TRNAU1AP: variants seen among roughly 807,000 people sequenced by gnomAD.
The protein encoded by TRNAU1AP is tRNA selenocysteine 1 associated protein 1, also known as tRNA selenocysteine 1-associated protein 1.
A neutral mutation model predicts 43.3 loss-of-function variants in TRNAU1AP; 33 were observed. The observed-to-expected ratio is 0.76, with a 90% CI of 0.58 to 1.02. TRNAU1AP has a LOEUF of 1.02. Among genes scored for constraint, TRNAU1AP ranks in the 50% least tolerant of loss-of-function variants. The pLI is 0.00. For missense variants in TRNAU1AP, 290 were observed against 362.7 expected (o/e 0.80, Z 1.63); for synonymous variants, 143 against 129.1 (o/e 1.11, Z -0.73).
intron 2 of TRNAU1AP, among the ~76,000 whole-genome samples, chr1:28,559,591 T>C (rs900708310): frequency 1.3e-4 from 19 of 151,266 alleles, no homozygotes; most frequent in Admixed American, 7.9e-4. Context: ...ACCCAGGAGG[T>C]GGAGGTTGCA....
intron 2 of TRNAU1AP, among the ~76,000 whole-genome samples, chr1:28,558,082 T>G (rs1301010144): frequency 2.7e-5 from 4 of 148,638 alleles, no homozygotes; most frequent in East Asian, 2.0e-4. Flanking sequence ...TTTTTTTTTT[T>G]TTGTTTAGTA....
chr1:28,553,823 C>T (rs1665189835), intron 2 of TRNAU1AP, 86 bp downstream of exon 2: 8 of 1,165,934 alleles, frequency 6.9e-6, no homozygotes, highest in African/African-American at 1.5e-5. Context: ...TGGCTTCTCA[C>T]TACCCCTAGT....
At chr1:28,573,318 C>T (rs1216077649) in intron 8 of TRNAU1AP, among the ~76,000 whole-genome samples, 5 of 149,576 alleles carry the variant, frequency 3.3e-5, no homozygotes, top group South Asian at 4.3e-4. Flanking sequence ...GGTGAGCCAC[C>T]GTGCCCAGCC....
intron 3 of TRNAU1AP, 143 bp from the exon 4 acceptor site, chr1:28,561,203 C>T: frequency 6.8e-7 from 1 of 1,475,748 alleles, no homozygotes; most frequent in South Asian, 1.4e-5. Flanking sequence ...GTGCAACCCC[C>T]TCATTTTATA....
intron 4 of TRNAU1AP, 71 bp from the exon 5 acceptor site, chr1:28,564,632 A>G: frequency 6.5e-7 from 1 of 1,547,114 alleles, no homozygotes; most frequent in South Asian, 1.2e-5. Flanking sequence ...TTTACCTGGA[A>G]TATGCAAAAG....
intron 8 of TRNAU1AP, among the ~76,000 whole-genome samples, chr1:28,575,304 G>A (rs1308309533): frequency 2.0e-5 from 3 of 151,706 alleles, no homozygotes; most frequent in Non-Finnish European, 2.9e-5. Context: ...ACAGATGCGC[G>A]CCACCACGCC....
At position 28,567,420 on chromosome 1, in the gene TRNAU1AP, C is replaced by T. The variant is rs1665565825; in HGVS notation, c.530+7C>T. The T allele has an allele frequency of 6.3e-7, 1 of 1,593,986 alleles. No homozygotes were observed. Among genetic ancestry groups the T allele is most frequent in the African/African-American group, 1.4e-5 (1 of 73,814 alleles). On this transcript the variant is annotated splice_region_variant and intron_variant, in intron 6 of 8. Transcript: ENST00000373830. ...GCGTGGCAATCCCTAAAGCGTGAGT[C>T]CTGCAGGGAAGGTAGAGAGACTCTA...
intron 5 of TRNAU1AP, among the ~76,000 whole-genome samples, chr1:28,566,922 G>A (rs993719766): frequency 6.6e-6 from 1 of 152,284 alleles, no homozygotes; most frequent in Admixed American, 6.5e-5. Flanking sequence ...GCGTAGCACA[G>A]TGCCTGGCAT....
At chr1:28,556,427 G>A (rs1263425532) in intron 2 of TRNAU1AP, among the ~76,000 whole-genome samples, 1 of 151,634 alleles carries the variant, frequency 6.6e-6, no homozygotes, top group East Asian at 2.0e-4. Flanking sequence ...TTGTGCCACT[G>A]TGCTCCAGCC....
chr1:28,565,674 C>T (rs959871081), intron 5 of TRNAU1AP: 1 of 152,020 alleles, frequency 6.6e-6, no homozygotes, highest in Non-Finnish European at 1.5e-5. Context: ...CCTGTAGTCC[C>T]AGCTACTCGG....
At chr1:28,566,045 G>A (rs992336489) in intron 5 of TRNAU1AP, among the ~76,000 whole-genome samples, 5 of 152,138 alleles carry the variant, frequency 3.3e-5, no homozygotes, top group Admixed American at 1.3e-4. Context: ...GGCTGGGTGC[G>A]GTGGCTCACG....
chr1:28,556,350 A>G (rs1176069499), intron 2 of TRNAU1AP, among the ~76,000 whole-genome samples: 1 of 151,490 alleles, frequency 6.6e-6, no homozygotes, highest in Admixed American at 6.6e-5. Context: ...TGTAATTCCA[A>G]CTACTTGAGA....
intron 8 of TRNAU1AP, among the ~76,000 whole-genome samples, chr1:28,575,880 A>C (rs1320148653): frequency 1.8e-5 from 1 of 54,990 alleles, no homozygotes; most frequent in African/African-American, 8.8e-5. Context: ...TTTTTTTTTG[A>C]GATAGAGTCT....
intron 6 of TRNAU1AP, among the ~76,000 whole-genome samples, chr1:28,568,270 T>G (rs1665583988): frequency 6.6e-6 from 1 of 152,140 alleles, no homozygotes; most frequent in Non-Finnish European, 1.5e-5. Flanking sequence ...CTCCAAACTT[T>G]TCTCTGAATG....
At chr1:28,564,085 C>T (rs1198161709) in intron 4 of TRNAU1AP, among the ~76,000 whole-genome samples, 3 of 151,662 alleles carry the variant, frequency 2.0e-5, no homozygotes, top group Non-Finnish European at 2.9e-5. Context: ...GCCAACTTGG[C>T]GAAACCCCGT....
chr1:28,577,509 C>T lies in TRNAU1AP; in HGVS notation c.737C>T (p.Pro246Leu). ...VGDDALEDPM[P>L]QLDVTEANKE... is the part of the protein sequence containing the mutation. ...CTTGCTTGCTTTCCAGACCCCATGC[C>T]ACAGCTGGATGTGACTGAGGCCAAC... Residue 246 changes from proline to leucine, a missense_variant, in exon 9 of 9, where the codon CCA becomes CTA. Around this residue, in one of 3 missense-constraint regions of TRNAU1AP, gnomAD observed 57 missense variants for 55.1 expected, o/e 1.03. Coordinates refer to ENST00000373830, the MANE Select transcript of TRNAU1AP (RefSeq NM_017846.5). 1 of 1,613,896 alleles carries T rather than the reference C, an allele frequency of 6.2e-7. No homozygotes were observed. Among genetic ancestry groups the T allele is most frequent in the Non-Finnish European group, 8.5e-7 (1 of 1,179,928 alleles).
At chr1:28,558,068 T>TG (rs1557431823) in intron 2 of TRNAU1AP, among the ~76,000 whole-genome samples, 3 of 142,770 alleles carry the variant, frequency 2.1e-5, no homozygotes, top group Non-Finnish European at 3.1e-5. Context: ...GCTAATTTTT[T>TG]TTTTTTTTTT....
At chr1:28,575,468 T>G (rs1036895255) in intron 8 of TRNAU1AP, among the ~76,000 whole-genome samples, 2 of 150,996 alleles carry the variant, frequency 1.3e-5, no homozygotes, top group South Asian at 2.1e-4. Context: ...TTTTTTTGTT[T>G]TTTTTTTTTT....
rs755573474 is a variant in TRNAU1AP, at chr1:28,553,708, C to T, written c.96C>T (p.Ser32=). The T allele has an allele frequency of 8.7e-6, 14 of 1,614,016 alleles. No homozygotes were observed. In the Admixed American group the frequency reaches 1.3e-4, roughly 15 times the overall value. The stretch of plus-strand genomic sequence containing the variant: ...CCACCATGGGGGAGACCGTAATGAG[C>T]GTCAAAATTATCCGAAACCGCCTCA... ...AFATMGETVM[S]VKIIRNRLTG... is the part of the protein sequence containing the mutation. The change falls in exon 2 of 9, where the codon AGC becomes AGT. Residue 32 remains serine (S), a synonymous_variant. Transcript: ENST00000373830.
Sources: allele counts gnomAD v4.1 joint callset (sites outside exome capture counted in the v4.1 genomes callset), GRCh38; gene constraint gnomAD v4.1.1; regional missense constraint gnomAD v4.1.1; transcripts MANE v1.5; gene names NCBI Gene and HGNC (gene_info 2026-07-23, HGNC 2026-07-21).